Variants in NELL2 observed in about 807,000 individuals in gnomAD.
NELL2 encodes the protein neural EGFL like 2.
In NELL2, 41 loss-of-function variants were observed where a neutral mutation model predicts 109.6. The ratio of observed to expected loss-of-function variants is 0.37; its 90% CI spans 0.29 to 0.49. The LOEUF (loss-of-function observed/expected upper bound fraction) is 0.49. Among genes scored for constraint, NELL2 ranks in the 20% least tolerant of loss-of-function variants. The pLI, the probability that NELL2 is intolerant of heterozygous loss-of-function variation, is 0.98. For missense variants in NELL2, 900 were observed against 1,008.3 expected (o/e 0.89, Z 1.45); for synonymous variants, 355 against 344.7 (o/e 1.03, Z -0.33).
At chr12:44,886,146 A>G (rs1188343365) in intron 1 of NELL2, among the ~76,000 whole-genome samples, 2 of 148,042 alleles carry the variant, frequency 1.4e-5, no homozygotes, top group Admixed American at 1.3e-4. Context: ...GAAGGAAGGA[A>G]GAAAGGGAGA....
At chr12:44,727,376 A>T (rs927512000) in intron 9 of NELL2, among the ~76,000 whole-genome samples, 1 of 152,096 alleles carries the variant, frequency 6.6e-6, no homozygotes, top group South Asian at 2.1e-4. Context: ...TCAATCCTAG[A>T]TAATCCCACT....
intron 1 of NELL2, among the ~76,000 whole-genome samples, chr12:44,904,694 T>A (rs1343988537): frequency 6.6e-6 from 1 of 152,152 alleles, no homozygotes; most frequent in East Asian, 1.9e-4. Flanking sequence ...CTAACTAATA[T>A]GGGCTCCTAA....
At chr12:44,569,359 T>C (rs1156633162) in intron 15 of NELL2, among the ~76,000 whole-genome samples, 1 of 152,144 alleles carries the variant, frequency 6.6e-6, no homozygotes, top group East Asian at 1.9e-4. Flanking sequence ...TGCAGGTGTC[T>C]TTACAATAGT....
intron 1 of NELL2, 150 bp from the exon 2 acceptor site, chr12:44,875,503 T>C (rs370450356): frequency 3.7e-6 from 6 of 1,613,812 alleles, no homozygotes; most frequent in Non-Finnish European, 5.1e-6. Context: ...GCCGAGAGCC[T>C]TACCTGAGAT....
intron 13 of NELL2, among the ~76,000 whole-genome samples, chr12:44,648,944 T>TGTGTGTGTGTG (rs1947203450): frequency 1.5e-4 from 8 of 53,534 alleles, no homozygotes; most frequent in Admixed American, 1.9e-4. Flanking sequence ...GTGTGTGTGT[T>TGTGTGTGTGTG]TAGTAGAGAC....
intron 13 of NELL2, among the ~76,000 whole-genome samples, chr12:44,625,149 T>G (rs1946207996): frequency 6.6e-6 from 1 of 151,822 alleles, no homozygotes; most frequent in Admixed American, 6.6e-5. Flanking sequence ...ACTTCAGGAC[T>G]TTCATGACTC....
intron 2 of NELL2, among the ~76,000 whole-genome samples, chr12:44,842,109 G>GAGGGAGGGAGGGAGGGAAGAAGGA: frequency 2.6e-5 from 1 of 38,756 alleles, no homozygotes; most frequent in Middle Eastern, 0.031. Context: ...GGGAGGGAGG[G>GAGGGAGGGAGGGAGGGAAGAAGGA]AGGAAGGAAG....
chr12:44,743,818 C>A (rs1393983427), intron 9 of NELL2, among the ~76,000 whole-genome samples: 2 of 152,266 alleles, frequency 1.3e-5, no homozygotes, highest in South Asian at 2.1e-4. Context: ...TAATGACCTA[C>A]AAAGAGACTT....
chr12:44,624,839 T>C (rs563000028), intron 13 of NELL2, among the ~76,000 whole-genome samples: 1 of 151,702 alleles, frequency 6.6e-6, no homozygotes, highest in South Asian at 2.1e-4. Context: ...CAATCCAAAA[T>C]AATAAACTAA....
intron 9 of NELL2, among the ~76,000 whole-genome samples, chr12:44,773,400 T>G (rs7972284): frequency 6.6e-6 from 1 of 151,720 alleles, no homozygotes; most frequent in Non-Finnish European, 1.5e-5. Context: ...GGCGTGAACC[T>G]GGAAGGCGGA....
intron 2 of NELL2, among the ~76,000 whole-genome samples, chr12:44,841,959 A>G (rs1944238874): frequency 6.6e-6 from 1 of 152,126 alleles, no homozygotes; most frequent in Admixed American, 6.6e-5. Context: ...GAAAATAAAA[A>G]AGAAAAAGAA....
intron 16 of NELL2, among the ~76,000 whole-genome samples, chr12:44,528,161 T>C (rs1182794372): frequency 8.2e-6 from 1 of 122,176 alleles, no homozygotes; most frequent in African/African-American, 3.2e-5. Context: ...TCTGACAGAG[T>C]AGTAGGTTTT....
At chr12:44,633,409 T>A (rs1486232777) in intron 13 of NELL2, among the ~76,000 whole-genome samples, 6 of 152,102 alleles carry the variant, frequency 3.9e-5, no homozygotes, top group African/African-American at 1.4e-4. Flanking sequence ...CTACAAAATG[T>A]GAAATCCATA....
intron 9 of NELL2, among the ~76,000 whole-genome samples, chr12:44,752,874 C>A (rs1940714140): frequency 6.6e-6 from 1 of 151,636 alleles, no homozygotes; most frequent in Non-Finnish European, 1.5e-5. Context: ...CTGCCACTGC[C>A]TAGGCCTAAG....
chr12:44,830,136 G>C, intron 2 of NELL2, among the ~76,000 whole-genome samples: 1 of 152,078 alleles, frequency 6.6e-6, no homozygotes, highest in Middle Eastern at 3.4e-3. Flanking sequence ...TAATTAGAAG[G>C]ATTAAAAAAT....
At chr12:44,732,094 T>C (rs1466967011) in intron 9 of NELL2, among the ~76,000 whole-genome samples, 1 of 151,782 alleles carries the variant, frequency 6.6e-6, no homozygotes, top group Non-Finnish European at 1.5e-5. Context: ...AAAATGAAAA[T>C]ACAGCTTGTG....
intron 9 of NELL2, among the ~76,000 whole-genome samples, chr12:44,748,126 T>C (rs1397326734): frequency 6.6e-6 from 1 of 152,152 alleles, no homozygotes; most frequent in African/African-American, 2.4e-5. Flanking sequence ...ACTTAGTGCC[T>C]GCAAAAGATC....
chr12:44,890,263 G>A (rs1259020154), intron 1 of NELL2, among the ~76,000 whole-genome samples: 1 of 152,126 alleles, frequency 6.6e-6, no homozygotes, highest in Non-Finnish European at 1.5e-5. Flanking sequence ...TGCTGTTCAG[G>A]TCATCCTTAT....
intron 2 of NELL2, among the ~76,000 whole-genome samples, chr12:44,844,774 T>G (rs1214867424): frequency 6.6e-6 from 1 of 152,144 alleles, no homozygotes; most frequent in Admixed American, 6.5e-5. Flanking sequence ...AATCACTAAT[T>G]TAGTAGGAAG....
Sources: allele counts gnomAD v4.1 joint callset (sites outside exome capture counted in the v4.1 genomes callset), GRCh38; gene constraint gnomAD v4.1.1; transcripts MANE v1.5; gene names NCBI Gene and HGNC (gene_info 2026-07-23, HGNC 2026-07-21).